Variants in RIMS2 observed in about 807,000 individuals in gnomAD.
The protein encoded by RIMS2 is regulating synaptic membrane exocytosis 2.
Under a neutral mutation model 174.4 loss-of-function variants are expected in RIMS2, and 59 were observed. That is an observed-to-expected ratio of 0.34 (90% CI 0.27 to 0.42). The LOEUF is 0.42. RIMS2 is among the 10% of genes least tolerant of loss of function. RIMS2 has a pLI of 1.00. For synonymous variants in RIMS2, 606 were observed against 572.5 expected (o/e 1.06, Z -0.84); for missense variants, 1,620 against 1,666.3 (o/e 0.97, Z 0.48).
chr8:104,245,732 T>G (rs2099327442), intron 20 of RIMS2, among the ~76,000 whole-genome samples: 2 of 152,248 alleles, frequency 1.3e-5, no homozygotes, highest in Admixed American at 1.3e-4. Context: ...GGCCTCACTG[T>G]CATCACTGTG....
intron 19 of RIMS2, among the ~76,000 whole-genome samples, chr8:104,016,469 T>C (rs1276865651): frequency 6.6e-6 from 1 of 152,066 alleles, no homozygotes; most frequent in Non-Finnish European, 1.5e-5. Flanking sequence ...TCGTTCTTTC[T>C]ATTTCCAAGT....
intron 3 of RIMS2, among the ~76,000 whole-genome samples, chr8:103,780,747 G>T (rs1298600355): frequency 1.3e-5 from 2 of 151,906 alleles, no homozygotes; most frequent in East Asian, 3.9e-4. Context: ...CTGGTTCCTT[G>T]GTTTGTCCAT....
chr8:103,922,717 T>C (rs372178284), intron 10 of RIMS2: 20 of 343,802 alleles, frequency 5.8e-5, no homozygotes, highest in African/African-American at 3.9e-4. Flanking sequence ...AAATTAGCTA[T>C]GAAATTTCTC....
intron 1 of RIMS2, among the ~76,000 whole-genome samples, chr8:103,533,122 C>A (rs923568161): frequency 1.7e-4 from 26 of 152,072 alleles, no homozygotes; most frequent in Admixed American, 5.2e-4. Context: ...AAGGCTGTGA[C>A]CAAAAAGTAA....
chr8:103,740,556 CA>C (rs2097751479), intron 2 of RIMS2, among the ~76,000 whole-genome samples: 1 of 152,130 alleles, frequency 6.6e-6, no homozygotes, highest in African/African-American at 2.4e-5. Flanking sequence ...ATATTATATG[CA>C]GTAGCTGAGA....
At position 103,733,304 on chromosome 8, in the gene RIMS2, C is replaced by T. The variant is rs117516774; in HGVS notation, c.388-32923C>T. Reference sequence around the variant, plus strand: ...TGTGGCTTAACTGGTATCCATGTTGCAAGACAAATCCTTTTTACTCTTCCA... The same window carrying T: ...TGTGGCTTAACTGGTATCCATGTTGTAAGACAAATCCTTTTTACTCTTCCA... On this transcript the variant is annotated intron_variant, in intron 2 of 23. Coordinates refer to ENST00000504942, the Ensembl canonical transcript of RIMS2. Among the ~76,000 whole-genome samples the T allele has an allele frequency of 6.2e-3, 938 of 152,114 alleles. 26 individuals carry two copies. Among genetic ancestry groups the T allele is most frequent in the Admixed American group, 0.036 (555 of 15,276 alleles).
chr8:103,613,299 A>T (rs1191948425), intron 1 of RIMS2, among the ~76,000 whole-genome samples: 1 of 152,206 alleles, frequency 6.6e-6, no homozygotes, highest in Admixed American at 6.5e-5. Flanking sequence ...CAATGGGCAG[A>T]GGAGTCTATC....
intron 3 of RIMS2, among the ~76,000 whole-genome samples, chr8:103,769,385 A>G (rs1460681566): frequency 1.3e-5 from 2 of 152,136 alleles, no homozygotes; most frequent in Non-Finnish European, 2.9e-5. Context: ...GTGCAGTGCC[A>G]TGATCTCAGC....
At position 104,155,665 on chromosome 8, in the gene RIMS2, G is replaced by A. The variant is rs1039741356; in HGVS notation, c.3335-89251G>A. Among the ~76,000 whole-genome samples, 6 of 151,686 alleles carry A rather than the reference G, an allele frequency of 4.0e-5. No individual in the cohort carries two copies. The East Asian group carries it at 7.8e-4, about 20-fold the overall frequency. On this transcript the variant is annotated intron_variant, in intron 19 of 23. Transcript: ENST00000504942. Reference sequence around the variant, plus strand: ...CTTGACCTGGTGATCCACCCGCCTCGGCCTCCCAAAGTGCTGGGATTACAG... The same window carrying A: ...CTTGACCTGGTGATCCACCCGCCTCAGCCTCCCAAAGTGCTGGGATTACAG...
chr8:103,638,963 T>C (rs2135467259), intron 1 of RIMS2, among the ~76,000 whole-genome samples: 1 of 152,178 alleles, frequency 6.6e-6, no homozygotes, highest in South Asian at 2.1e-4. Context: ...TGTACTGATA[T>C]GTCTGTCTCT....
At chr8:103,984,724 G>GTA (rs2094206696) in intron 16 of RIMS2, among the ~76,000 whole-genome samples, 1 of 152,154 alleles carries the variant, frequency 6.6e-6, no homozygotes, top group East Asian at 1.9e-4. Context: ...AGGGAAATCG[G>GTA]TATATCAAAG....
At chr8:104,098,507 G>A (rs2097800874) in intron 19 of RIMS2, among the ~76,000 whole-genome samples, 1 of 152,082 alleles carries the variant, frequency 6.6e-6, no homozygotes, top group Non-Finnish European at 1.5e-5. Context: ...GTAATTTTGT[G>A]TTCAAACTAA....
At position 104,148,169 on chromosome 8, in the gene RIMS2, CTTT is replaced by C. The variant is rs60928884; in HGVS notation, c.3335-96730_3335-96728del. Among the ~76,000 whole-genome samples, 404 of 116,344 alleles carry C rather than the reference CTTT, an allele frequency of 3.5e-3. 1 individual carries two copies. The highest frequency in any genetic ancestry group is 0.012 in the African/African-American group (369 of 30,860). The allele number at this position is 116,344 out of a possible 152,430, so 76.3% of individuals were successfully genotyped here. ...TTGAAATGGATATTATATTATCAGC[CTTT>C]TTTTTTTTTTTTTTTTGGTAAAATT... On this transcript the variant is annotated intron_variant, in intron 19 of 23. Transcript: ENST00000504942.
chr8:104,222,299 A>C (rs2099159095), intron 19 of RIMS2, among the ~76,000 whole-genome samples: 1 of 152,196 alleles, frequency 6.6e-6, no homozygotes, highest in Admixed American at 6.5e-5. Context: ...GGTACCTGGC[A>C]TATACTAGGA....
chr8:103,544,241 G>A (rs145487117), intron 1 of RIMS2, among the ~76,000 whole-genome samples: 3 of 152,230 alleles, frequency 2.0e-5, no homozygotes, highest in African/African-American at 7.2e-5. Context: ...GACAGGGCAG[G>A]TGACTCTGCC....
intron 1 of RIMS2, among the ~76,000 whole-genome samples, chr8:103,526,619 A>G (rs188385431): frequency 1.3e-5 from 2 of 152,326 alleles, no homozygotes; most frequent in East Asian, 3.9e-4. Flanking sequence ...TTAAAAGCAA[A>G]AAAAGAACTG....
At chr8:103,929,465 ATTAT>A (rs1173996687) in intron 11 of RIMS2, among the ~76,000 whole-genome samples, 1 of 151,848 alleles carries the variant, frequency 6.6e-6, no homozygotes, top group South Asian at 2.1e-4. Context: ...CATAATAATT[ATTAT>A]TTGTTTCTTA....
In RIMS2 at chr8:103,617,620, T is replaced by C. The variant is rs190265297; in HGVS notation, c.177-79466T>C. On this transcript the variant is annotated intron_variant, in intron 1 of 23. Transcript: ENST00000504942. ...TTTGCAGAGTGTGCATCTGACGAAG[T>C]CTAATATTCATCATCTACAAGGAAC... Among the ~76,000 whole-genome samples, 4 of 152,028 alleles carry C rather than the reference T, an allele frequency of 2.6e-5. No individual in the cohort carries two copies. The East Asian group carries it at 5.8e-4, about 22-fold the overall frequency.
chr8:104,074,393 A>G (rs886979264), intron 19 of RIMS2, among the ~76,000 whole-genome samples: 4 of 152,192 alleles, frequency 2.6e-5, no homozygotes, highest in African/African-American at 9.6e-5. Context: ...GATGATGTAT[A>G]TAAATTGTTT....
Sources: allele counts gnomAD v4.1 joint callset (sites outside exome capture counted in the v4.1 genomes callset), GRCh38; gene constraint gnomAD v4.1.1; transcripts MANE v1.5; gene names NCBI Gene and HGNC (gene_info 2026-07-23, HGNC 2026-07-21).